Variants in CIDEB observed in about 807,000 individuals in gnomAD.
CIDEB encodes cell death inducing DFFA like effector b, also known as lipid transferase CIDEB.
CIDEB carries 27 observed loss-of-function variants against 22.4 expected under a neutral mutation model. That is an observed-to-expected ratio of 1.21 (90% confidence interval 0.89 to 1.66). The LOEUF is 1.66. Among genes scored for constraint, CIDEB ranks in the 40% most tolerant of loss-of-function variants. The probability of loss-of-function intolerance (pLI) is 0.00; values close to 1 mark genes in which losing one functional copy is unlikely to be tolerated. For missense variants in CIDEB, 289 were observed against 268.7 expected, an observed-to-expected ratio of 1.08 and a Z score of -0.53; for synonymous variants, 103 against 109.5, an observed-to-expected ratio of 0.94 and a Z score of 0.37.
chr14:24,307,593 G>C, intron 1 of CIDEB, 78 bp from the exon 2 acceptor site: 1 of 1,513,884 alleles, frequency 6.6e-7, no homozygotes. Flanking sequence ...GGGTAGAGTG[G>C]CTAGAGGGCT....
At chr14:24,310,750 T>G, upstream of CIDEB, 1 of 1,610,906 alleles carries the variant, frequency 6.2e-7, no homozygotes, top group Non-Finnish European at 8.5e-7. Context: ...TTCCTGCTGC[T>G]GGCGGCGCTG....
rs774123412 is a variant in CIDEB, at chr14:24,306,488, G to C, written c.222C>G (p.Thr74=). ...LETLLLNGVL[T]LVLEEDGTAV... ...CAGTTCCATCCTCCTCTAGCACCAG[G>C]GTTAGCACTCCATTCAGCAGTAGGG... The change falls in exon 3 of 5, where the codon ACC becomes ACG. Residue 74 remains threonine, a synonymous_variant. Coordinates refer to ENST00000554411, the MANE Select transcript of CIDEB (RefSeq NM_001393339.1). 2 of 1,614,212 alleles carry C rather than the reference G, an allele frequency of 1.2e-6. No homozygotes were observed. Among genetic ancestry groups the C allele is most frequent in the South Asian group, 2.2e-5 (2 of 91,084 alleles).
upstream of CIDEB, chr14:24,311,421 G>A (rs756145185): frequency 3.1e-5 from 49 of 1,601,276 alleles, no homozygotes; most frequent in Non-Finnish European, 4.2e-5. Flanking sequence ...CGCAGCGCTG[G>A]CTCCACCGGA....
Position 24,307,961 on chromosome 14 carries a change from C to T in CIDEB, c.-103G>A. The T allele has an allele frequency of 1.8e-6, 2 of 1,107,014 alleles. No individual in the cohort carries two copies. The highest frequency in any genetic ancestry group is 5.2e-5 in the East Asian group (2 of 38,604). 68.6% of individuals were successfully genotyped at this position (1,107,014 alleles called of 1,614,324 possible). On this transcript the variant is annotated 5_prime_UTR_variant, in exon 1 of 5. Coordinates refer to ENST00000554411, the MANE Select transcript of CIDEB (RefSeq NM_001393339.1). Reference sequence around the variant, plus strand: ...CTGTTACAAACCTGGGATCTCAGCCCAGGACAAGGTGGGAATGAGTCAAGC... The same window carrying T: ...CTGTTACAAACCTGGGATCTCAGCCTAGGACAAGGTGGGAATGAGTCAAGC...
chr14:24,307,907 C>T lies in CIDEB; in HGVS notation c.-49G>A. 6.6e-7 allele frequency: 1 copy of T among 1,516,998 alleles called. No homozygotes were observed. Among genetic ancestry groups the T allele is most frequent in the Non-Finnish European group, 9.0e-7 (1 of 1,111,888 alleles). 94.0% of individuals were successfully genotyped at this position (1,516,998 alleles called of 1,614,324 possible). ...TGGAACTTCTGGGCTGGGTGGTTCT[C>T]TCCTGTGCTGGGGCTTTAGTGGTGT... On this transcript the variant is annotated 5_prime_UTR_variant, in exon 1 of 5. Transcript: ENST00000554411.
chr14:24,310,660 GA>G (rs748871464), upstream of CIDEB: 1 of 1,614,054 alleles, frequency 6.2e-7, no homozygotes, highest in African/African-American at 1.3e-5. Context: ...TGTAGGCCCA[GA>G]AGGATGTCGG....
chr14:24,308,146 G>A (rs1031319684), upstream of CIDEB: 9 of 484,280 alleles, frequency 1.9e-5, no homozygotes, highest in South Asian at 1.8e-4. Context: ...GAGGGTAGAT[G>A]GGAACCATGT....
At chr14:24,307,560 G>A (rs1159901399) in intron 1 of CIDEB, 45 bp from the exon 2 acceptor site, 8 of 1,599,246 alleles carry the variant, frequency 5.0e-6, no homozygotes, top group Middle Eastern at 1.7e-4. Flanking sequence ...GGAGGGGCTT[G>A]GTGAGTGTAA....
upstream of CIDEB, chr14:24,310,243 T>C: frequency 2.0e-6 from 1 of 494,864 alleles, no homozygotes; most frequent in East Asian, 3.7e-5. Context: ...CAATCCTGCT[T>C]GCTCCCAGCT....
chr14:24,309,554 CCTTT>C (rs1388864862), upstream of CIDEB: 1 of 152,220 alleles, frequency 6.6e-6, no homozygotes, highest in African/African-American at 2.4e-5. Context: ...CTCATCCTTT[CCTTT>C]CTTGTCTTGT....
chr14:24,310,343 C>T, upstream of CIDEB: 4 of 601,914 alleles, frequency 6.6e-6, no homozygotes, highest in East Asian at 5.5e-5. Context: ...GAAGGAGGGG[C>T]CAGACTAGAG....
At chr14:24,306,326 A>G in intron 3 of CIDEB, 48 bp downstream of exon 3, 37 of 1,610,344 alleles carry the variant, frequency 2.3e-5, no homozygotes, top group Non-Finnish European at 3.1e-5. Context: ...AGCCCGGGAA[A>G]GCTCTAAAGG....
chr14:24,311,169 C>T (rs888311178), upstream of CIDEB: 1 of 1,605,710 alleles, frequency 6.2e-7, no homozygotes, highest in African/African-American at 1.3e-5. Flanking sequence ...CCGCGTATGC[C>T]AGCTGTGCCA....
chr14:24,305,979 G>C lies in CIDEB; in HGVS notation c.495C>G (p.Asp165Glu), dbSNP rs1445850573. 1 of 1,614,020 alleles carries C rather than the reference G, an allele frequency of 6.2e-7. No homozygotes were observed. The highest frequency in any genetic ancestry group is 8.5e-7 in the Non-Finnish European group (1 of 1,180,012). The change falls in exon 4 of 5, where the codon GAC becomes GAG. Residue 165 changes from aspartate (D) to glutamate (E), a missense_variant. Coordinates refer to ENST00000554411, the MANE Select transcript of CIDEB (RefSeq NM_001393339.1). Reference sequence around the variant, plus strand: ...CTTTCTTTGGGCCAAGTCCTTGAAAGTCACAACTCATAGAGTAGAGCCCGT... The same window carrying C: ...CTTTCTTTGGGCCAAGTCCTTGAAACTCACAACTCATAGAGTAGAGCCCGT... ...TFYGLYSMSC[D>E]FQGLGPKKVL... is the part of the protein sequence containing the mutation.
At chr14:24,310,185 T>G, upstream of CIDEB, 1 of 349,486 alleles carries the variant, frequency 2.9e-6, no homozygotes, top group Non-Finnish European at 5.3e-6. Context: ...AGGACAGGAG[T>G]AGGCACCTCG....
At chr14:24,310,937 G>A, upstream of CIDEB, 2 of 1,591,354 alleles carry the variant, frequency 1.3e-6, no homozygotes, top group Non-Finnish European at 1.7e-6. Context: ...CGCTGGGCCA[G>A]GCGGGCTGCA....
At chr14:24,310,802 G>C (rs375042807), upstream of CIDEB, 2 of 1,602,834 alleles carry the variant, frequency 1.2e-6, no homozygotes, top group Admixed American at 1.7e-5. Context: ...GGAGCTTGGC[G>C]GGCTGGCGGC....
Position 24,305,517 on chromosome 14 carries a change from G to C in CIDEB, c.*116C>G. 1 of 1,297,160 alleles carries C rather than the reference G, an allele frequency of 7.7e-7. No individual in the cohort carries two copies. 80.4% of individuals were successfully genotyped at this position (1,297,160 alleles called of 1,614,324 possible). A position where few individuals can be genotyped will look rare whatever the true frequency, so the allele number is the denominator to read the frequency against. On this transcript the variant is annotated 3_prime_UTR_variant, in exon 5 of 5. Coordinates refer to ENST00000554411, the MANE Select transcript of CIDEB (RefSeq NM_001393339.1). ...GTCACGAGGGGATCAGAGGACAGTG[G>C]GGAAATTGGGTGGGTTATCTAGCCT...
Position 24,305,458 on chromosome 14 carries a change from A to G in CIDEB, c.*175T>C. 1 of 747,988 alleles carries G rather than the reference A, an allele frequency of 1.3e-6. No individual in the cohort carries two copies. The highest frequency in any genetic ancestry group is 2.1e-6 in the Non-Finnish European group (1 of 472,250). 46.3% of individuals were successfully genotyped at this position (747,988 alleles called of 1,614,324 possible). On this transcript the variant is annotated 3_prime_UTR_variant, in exon 5 of 5. Transcript: ENST00000554411. The stretch of plus-strand genomic sequence containing the variant: ...CAGCATTCTTCAGGTAAGGGTATAG[A>G]CTTGGGATGTGAGGCGTTATGCTGA...
Sources: gnomAD v4.1 joint callset for allele counts on GRCh38, gnomAD v4.1.1 for gene constraint, MANE v1.5 for transcripts, NCBI Gene and HGNC (gene_info 2026-07-23, HGNC 2026-07-21) for gene names.